Variants in PPIP5K2 observed in about 807,000 individuals in gnomAD.
The protein encoded by PPIP5K2 is diphosphoinositol pentakisphosphate kinase 2, also known as inositol hexakisphosphate and diphosphoinositol-pentakisphosphate kinase 2.
PPIP5K2 carries 105 observed loss-of-function variants against 154.6 expected under a neutral mutation model. That is an observed-to-expected ratio of 0.68 (90% CI 0.58 to 0.80). The LOEUF (loss-of-function observed/expected upper bound fraction) is 0.80, where lower values mean the gene tolerates loss of function less well. Among genes scored for constraint, PPIP5K2 ranks in the 30% least tolerant of loss-of-function variants. PPIP5K2 has a pLI of 0.00. For synonymous variants in PPIP5K2, 480 were observed against 490.3 expected (o/e 0.98, Z 0.28); for missense variants, 992 against 1,504.6 (o/e 0.66, Z 5.64).
rs560142276 is a variant in PPIP5K2, at chr5:103,191,079, G to A, written c.3493+97G>A. 78 of 1,207,044 alleles carry A rather than the reference G, an allele frequency of 6.5e-5. No individual in the cohort carries two copies. The African/African-American group carries it at 1.1e-3, about 17-fold the overall frequency. The allele number at this position is 1,207,044 out of a possible 1,614,324, so 74.8% of individuals were successfully genotyped here. A position where few individuals can be genotyped will look rare whatever the true frequency, so the allele number is the denominator to read the frequency against. On this transcript the variant is annotated intron_variant, in intron 29 of 30. Coordinates refer to ENST00000358359, the MANE Select transcript of PPIP5K2 (RefSeq NM_001276277.3). The stretch of plus-strand genomic sequence containing the variant: ...TTATAACAACATAAAAGCAGGTAGT[G>A]GTAATGAGTAGGAGTACAAAGGGGA...
At chr5:103,161,317 C>T (rs1426750835) in intron 17 of PPIP5K2, among the ~76,000 whole-genome samples, 1 of 152,152 alleles carries the variant, frequency 6.6e-6, no homozygotes, top group Non-Finnish European at 1.5e-5. Flanking sequence ...GCATAGTATT[C>T]CATGGTGTAT....
Position 103,139,939 on chromosome 5 carries a change from G to A in PPIP5K2, c.487+1470G>A, listed in dbSNP as rs1554205856. Among the ~76,000 whole-genome samples the A allele has an allele frequency of 1.4e-4, 22 of 152,174 alleles. 1 individual carries two copies. ...CAAAGTGGATCAAGTAGAAGAATTA[G>A]TGAGCTTGAAAACTGGCTATGTGAA... is the stretch of plus-strand genomic sequence containing the variant. On this transcript the variant is annotated intron_variant, in intron 5 of 30. Coordinates refer to ENST00000358359, the MANE Select transcript of PPIP5K2 (RefSeq NM_001276277.3).
intron 14 of PPIP5K2, among the ~76,000 whole-genome samples, chr5:103,157,871 G>GA (rs1290709347): frequency 1.3e-5 from 2 of 152,138 alleles, no homozygotes; most frequent in African/African-American, 2.4e-5. Flanking sequence ...TAAGTACAAT[G>GA]AAAAAATTAC....
rs782067744 is a variant in PPIP5K2, at chr5:103,180,009, C to A, written c.2755-12C>A. 1 of 1,514,852 alleles carries A rather than the reference C, an allele frequency of 6.6e-7. No individual in the cohort carries two copies. The highest frequency in any genetic ancestry group is 8.8e-7 in the Non-Finnish European group (1 of 1,133,314). 93.8% of individuals were successfully genotyped at this position (1,514,852 alleles called of 1,614,324 possible). A position where few individuals can be genotyped will look rare whatever the true frequency, so the allele number is the denominator to read the frequency against. ...CTGAATAGTAAAAGTGTTTTATATTCTTTGCTCACAGAATGAAGGCAGGAG... is the reference window on the plus strand; with the variant it reads ...CTGAATAGTAAAAGTGTTTTATATTATTTGCTCACAGAATGAAGGCAGGAG... On this transcript the variant is annotated splice_polypyrimidine_tract_variant and intron_variant, in intron 23 of 30. Transcript: ENST00000358359.
intron 4 of PPIP5K2, among the ~76,000 whole-genome samples, chr5:103,137,605 A>G (rs576217858): frequency 1.6e-4 from 25 of 152,320 alleles, no homozygotes; most frequent in Non-Finnish European, 2.9e-4. Context: ...CATTCAATCA[A>G]TGTTTCACTC....
intron 25 of PPIP5K2, 63 bp downstream of exon 25, chr5:103,183,470 C>A: frequency 7.2e-7 from 1 of 1,383,010 alleles, no homozygotes; most frequent in Non-Finnish European, 1.0e-6. Flanking sequence ...AAACAGCTGT[C>A]TTTGAGGACA....
At chr5:103,171,656 TACAG>T (rs1554219583) in intron 19 of PPIP5K2, among the ~76,000 whole-genome samples, 1 of 151,406 alleles carries the variant, frequency 6.6e-6, no homozygotes, top group Non-Finnish European at 1.5e-5. Flanking sequence ...AACTAGAAAA[TACAG>T]ATAGAGCAAA....
In PPIP5K2 at chr5:103,186,367, TC is replaced by T. The variant is rs782061552; in HGVS notation, c.3218del (p.Ser1073Ter). The T allele has an allele frequency of 6.2e-7, 1 of 1,613,932 alleles. No homozygotes were observed. Among genetic ancestry groups the T allele is most frequent in the Non-Finnish European group, 8.5e-7 (1 of 1,179,890 alleles). On this transcript the variant is annotated frameshift_variant, in exon 27 of 31. Transcript: ENST00000358359. LOFTEE classifies it high-confidence loss of function. ...LFSTSVLGGS[S>X]SAPNLQDYAR... Reference sequence around the variant, plus strand: ...TAGCACCTCGGTGCTCGGGGGTTCTTCAAGCGCACCTAACCTACAGGATTAT... The same window carrying T: ...TAGCACCTCGGTGCTCGGGGGTTCTTAAGCGCACCTAACCTACAGGATTAT...
At chr5:103,165,319 G>A (rs1363866519) in intron 17 of PPIP5K2, among the ~76,000 whole-genome samples, 3 of 151,934 alleles carry the variant, frequency 2.0e-5, no homozygotes, top group African/African-American at 4.8e-5. Context: ...AAAAAAATTC[G>A]TGTATAACTT....
chr5:103,189,353 C>T (rs951486188), intron 28 of PPIP5K2: 20 of 618,742 alleles, frequency 3.2e-5, no homozygotes, highest in African/African-American at 2.3e-4. Context: ...TCTAGAGGAA[C>T]TTAATTATAT....
intron 11 of PPIP5K2, among the ~76,000 whole-genome samples, chr5:103,154,329 G>C (rs1554212343): frequency 6.6e-6 from 1 of 151,932 alleles, no homozygotes; most frequent in African/African-American, 2.4e-5. Context: ...TGAAAACCCT[G>C]AGCCATTAAG....
chr5:103,143,031 T>C (rs1793111504), intron 5 of PPIP5K2, among the ~76,000 whole-genome samples: 1 of 151,938 alleles, frequency 6.6e-6, no homozygotes, highest in African/African-American at 2.4e-5. Context: ...AAATGTAGAG[T>C]TTTTAAAATT....
At position 103,210,198 on chromosome 5, in the gene PPIP5K2, A is replaced by G. The variant is rs563233714; in HGVS notation, c.*8564A>G. The G allele has an allele frequency of 6.6e-6, 1 of 152,320 alleles. No individual in the cohort carries two copies. Among genetic ancestry groups the G allele is most frequent in the Non-Finnish European group, 1.5e-5 (1 of 68,016 alleles). The allele number at this position is 152,320 out of a possible 1,614,324, so 9.4% of individuals were successfully genotyped here. On this transcript the variant is annotated 3_prime_UTR_variant, in exon 31 of 31. Coordinates refer to ENST00000358359, the MANE Select transcript of PPIP5K2 (RefSeq NM_001276277.3). ...CAATTACTTTTCAAAGTGAAAACTG[A>G]TCAATTCACAACTCAAGGAAAGCAT...
chr5:103,186,350 C>T lies in PPIP5K2; in HGVS notation c.3200C>T (p.Ser1067Leu), dbSNP rs781841605. ...CACTGTGCGGGCCTGTTTAGCACCT[C>T]GGTGCTCGGGGGTTCTTCAAGCGCA... ...GSHCAGLFST[S>L]VLGGSSSAPN... The change falls in exon 27 of 31, where the codon TCG becomes TTG. Residue 1067 changes from serine to leucine, a missense_variant. By Grantham distance (145) the Ser-to-Leu change is moderately radical. Coordinates refer to ENST00000358359, the MANE Select transcript of PPIP5K2 (RefSeq NM_001276277.3). 13 of 1,613,808 alleles carry T rather than the reference C, an allele frequency of 8.1e-6. No homozygotes were observed. The highest frequency in any genetic ancestry group is 1.7e-4 in the Middle Eastern group (1 of 6,056).
chr5:103,173,702 A>G (rs1244907330), intron 20 of PPIP5K2, among the ~76,000 whole-genome samples, 156 bp from the exon 21 acceptor site: 13 of 152,052 alleles, frequency 8.5e-5, no homozygotes, highest in African/African-American at 3.1e-4. Context: ...AAGAATATAT[A>G]CTAAGATAAA....
chr5:103,173,713 TTCTC>T (rs1798303170), intron 20 of PPIP5K2, 141 bp from the exon 21 acceptor site: 1 of 640,658 alleles, frequency 1.6e-6, no homozygotes, highest in Non-Finnish European at 2.7e-6. Context: ...CTAAGATAAA[TTCTC>T]TATTGTGGTT....
chr5:103,158,143 A>G (rs1554214198), intron 14 of PPIP5K2, 45 bp from the exon 15 acceptor site: 1 of 1,582,794 alleles, frequency 6.3e-7, no homozygotes, highest in South Asian at 1.1e-5. Flanking sequence ...GTCTGTTTAA[A>G]GAAATAAACT....
chr5:103,171,313 T>C (rs1323791402), intron 19 of PPIP5K2, among the ~76,000 whole-genome samples: 2 of 151,522 alleles, frequency 1.3e-5, no homozygotes, highest in East Asian at 3.9e-4. Flanking sequence ...GATATTAAAA[T>C]TATATTAATT....
chr5:103,170,424 A>G (rs1302468757), intron 19 of PPIP5K2, among the ~76,000 whole-genome samples: 1 of 151,582 alleles, frequency 6.6e-6, no homozygotes, highest in African/African-American at 2.4e-5. Context: ...CAACTCTAAA[A>G]TTATTTTTCT....
Sources: gnomAD v4.1 joint callset for allele counts (sites outside exome capture counted in the v4.1 genomes callset) on GRCh38, gnomAD v4.1.1 for gene constraint, MANE v1.5 for transcripts, NCBI Gene and HGNC (gene_info 2026-07-23, HGNC 2026-07-21) for gene names.